Variants in FHIT observed in about 807,000 individuals in gnomAD.
FHIT encodes bis(5'-adenosyl)-triphosphatase.
Under a neutral mutation model 17.9 loss-of-function variants are expected in FHIT, and 19 were observed. The ratio of observed to expected loss-of-function variants is 1.06; its 90% CI spans 0.74 to 1.56. FHIT has a LOEUF of 1.56. FHIT is among the 40% of genes most tolerant of loss of function. The probability of loss-of-function intolerance (pLI) is 0.00; values close to 1 mark genes in which losing one functional copy is unlikely to be tolerated. For missense variants in FHIT, 248 were observed against 189.2 expected (o/e 1.31, Z -1.82); for synonymous variants, 81 against 69.7 (o/e 1.16, Z -0.81).
Position 60,530,196 on chromosome 3 carries a change from G to A in FHIT, c.103+6664C>T, listed in dbSNP as rs373763093. ...GCAACAGGGACCTAGTAACCCACAA[G>A]GCTACTTTGTACATACATATCCTCA... On this transcript the variant is annotated intron_variant, in intron 5 of 9. Transcript: ENST00000492590. 4.6e-5 allele frequency among the ~76,000 whole-genome samples: 7 copies of A among 152,236 alleles called. No individual in the cohort carries two copies. The East Asian group carries it at 7.7e-4, about 17-fold the overall frequency.
chr3:60,840,190 G>A (rs565741999), intron 3 of FHIT, among the ~76,000 whole-genome samples: 44 of 152,302 alleles, frequency 2.9e-4, no homozygotes, highest in Non-Finnish European at 5.0e-4. Context: ...ACAATAGACA[G>A]CGAGGAAGGA....
intron 3 of FHIT, among the ~76,000 whole-genome samples, chr3:61,032,603 G>A (rs2033060332): frequency 6.6e-6 from 1 of 152,162 alleles, no homozygotes; most frequent in Non-Finnish European, 1.5e-5. Context: ...TTAAGATACT[G>A]GAAGTAAGCA....
chr3:59,810,152 G>A (rs1700357337), intron 8 of FHIT, among the ~76,000 whole-genome samples: 1 of 152,124 alleles, frequency 6.6e-6, no homozygotes, highest in Non-Finnish European at 1.5e-5. Context: ...GGTGTGAAAG[G>A]CTGTACTGGT....
chr3:60,198,162 G>T (rs1194646678), intron 5 of FHIT, among the ~76,000 whole-genome samples: 1 of 151,990 alleles, frequency 6.6e-6, no homozygotes, highest in Non-Finnish European at 1.5e-5. Context: ...ACAGAGTAGA[G>T]TTCTGAGACT....
At chr3:60,953,515 G>A (rs1553777857) in intron 3 of FHIT, among the ~76,000 whole-genome samples, 1 of 152,000 alleles carries the variant, frequency 6.6e-6, no homozygotes, top group African/African-American at 2.4e-5. Context: ...ATTAAATTCT[G>A]TCAAGTAACA....
chr3:60,304,243 AG>A (rs1196210585), intron 5 of FHIT, among the ~76,000 whole-genome samples: 2 of 152,090 alleles, frequency 1.3e-5, no homozygotes, highest in African/African-American at 4.8e-5. Context: ...ATTTCAGTCA[AG>A]GGGTCACTTG....
chr3:60,134,508 A>T (rs1402160849), intron 5 of FHIT, among the ~76,000 whole-genome samples: 1 of 152,196 alleles, frequency 6.6e-6, no homozygotes, highest in Non-Finnish European at 1.5e-5. Flanking sequence ...ATAGGTTTAT[A>T]CCTACATAGG....
chr3:60,744,263 C>CAAAA (rs1201886354), intron 4 of FHIT, among the ~76,000 whole-genome samples: 30 of 85,950 alleles, frequency 3.5e-4, no homozygotes, highest in South Asian at 7.6e-4. Flanking sequence ...AAAAACAAAA[C>CAAAA]AAAACAAAAA....
intron 5 of FHIT, among the ~76,000 whole-genome samples, chr3:60,132,277 C>T (rs1472935462): frequency 1.3e-5 from 2 of 152,216 alleles, no homozygotes; most frequent in African/African-American, 4.8e-5. Context: ...TCACACAAGC[C>T]TCCGGAGGAT....
chr3:59,990,126 T>C (rs1052239035), intron 7 of FHIT, among the ~76,000 whole-genome samples: 3 of 152,226 alleles, frequency 2.0e-5, no homozygotes, highest in South Asian at 2.1e-4. Flanking sequence ...AATTTAACCA[T>C]GGATGATTGT....
intron 2 of FHIT, among the ~76,000 whole-genome samples, chr3:61,115,729 T>C (rs35312000): frequency 0.12 from 18,127 of 152,130 alleles, 1,236 homozygotes; most frequent in Middle Eastern, 0.18. Flanking sequence ...GACAACTGCA[T>C]GTATACAGTT....
chr3:59,886,764 G>T (rs73839569), intron 8 of FHIT, among the ~76,000 whole-genome samples: 5,693 of 152,248 alleles, frequency 0.037, 344 homozygotes, highest in African/African-American at 0.13. Context: ...TCAACATGAG[G>T]TTAGGAGGGC....
intron 5 of FHIT, among the ~76,000 whole-genome samples, chr3:60,491,544 A>T (rs1321144591): frequency 1.3e-5 from 2 of 152,226 alleles, no homozygotes; most frequent in Admixed American, 6.5e-5. Context: ...AAGATGTCAG[A>T]CAATCAATTC....
At chr3:59,954,291 G>A (rs566767664) in intron 7 of FHIT, among the ~76,000 whole-genome samples, 42 of 143,714 alleles carry the variant, frequency 2.9e-4, no homozygotes, top group African/African-American at 1.0e-3. Flanking sequence ...ATTCATTCAG[G>A]CTTGGGTCTG....
At chr3:59,940,086 T>C (rs969939954) in intron 7 of FHIT, among the ~76,000 whole-genome samples, 21 of 152,286 alleles carry the variant, frequency 1.4e-4, no homozygotes, top group Admixed American at 9.2e-4. Context: ...GGACCTGAGA[T>C]AGTCAACACC....
At chr3:61,003,669 T>G (rs2031250763) in intron 3 of FHIT, among the ~76,000 whole-genome samples, 1 of 152,218 alleles carries the variant, frequency 6.6e-6, no homozygotes, top group African/African-American at 2.4e-5. Flanking sequence ...ATCCAGTACT[T>G]GAGAACATTT....
intron 4 of FHIT, among the ~76,000 whole-genome samples, chr3:60,561,910 G>C (rs768318713): frequency 1.3e-5 from 2 of 151,404 alleles, no homozygotes; most frequent in Non-Finnish European, 2.9e-5. Flanking sequence ...AAAAAGAAAA[G>C]AGAGAGAAAG....
intron 4 of FHIT, among the ~76,000 whole-genome samples, chr3:60,590,574 G>C (rs1425101316): frequency 1.3e-5 from 2 of 152,146 alleles, no homozygotes; most frequent in Non-Finnish European, 2.9e-5. Context: ...GAGTTTTAGA[G>C]GTGGCTGCCT....
intron 5 of FHIT, among the ~76,000 whole-genome samples, chr3:60,146,067 T>C (rs1225793906): frequency 6.6e-6 from 1 of 152,150 alleles, no homozygotes; most frequent in African/African-American, 2.4e-5. Context: ...TTTATCATAA[T>C]GGCAAAATAA....
Sources: allele counts gnomAD v4.1 joint callset (sites outside exome capture counted in the v4.1 genomes callset), GRCh38; gene constraint gnomAD v4.1.1; transcripts MANE v1.5; gene names NCBI Gene and HGNC (gene_info 2026-07-23, HGNC 2026-07-21).